Variants in C12orf42 observed in about 807,000 individuals in gnomAD.
C12orf42 encodes the protein chromosome 12 open reading frame 42.
A neutral mutation model predicts 21.6 loss-of-function variants in C12orf42; 25 were observed. The observed-to-expected ratio is 1.16, with a 90% CI of 0.84 to 1.62. C12orf42 has a LOEUF of 1.62. Ranked by LOEUF, C12orf42 falls within the 40% of genes most tolerant of loss-of-function variation. The pLI is 0.00. For missense variants in C12orf42, 483 were observed against 459.3 expected (o/e 1.05, Z -0.47); for synonymous variants, 174 against 175.0 (o/e 0.99, Z 0.05).
intron 4 of C12orf42, among the ~76,000 whole-genome samples, chr12:103,329,659 A>T (rs1268083659): frequency 6.6e-6 from 1 of 151,408 alleles, no homozygotes; most frequent in Non-Finnish European, 1.5e-5. Context: ...AAATGATGCC[A>T]CTGCTCTTTA....
At chr12:103,526,463 A>C in the C12orf42 span, among the ~76,000 whole-genome samples, 1 of 152,216 alleles carries the variant, frequency 6.6e-6, no homozygotes, top group Non-Finnish European at 1.5e-5. Context: ...AAGTTTCAGC[A>C]TATGTGTCGT....
At chr12:103,505,006 T>C in the C12orf42 span, 1 of 198,816 alleles carries the variant, frequency 5.0e-6, no homozygotes, top group East Asian at 1.5e-4. Flanking sequence ...ACCATGGGAA[T>C]GCTGTGTTCT....
the C12orf42 span, among the ~76,000 whole-genome samples, chr12:103,115,503 C>A: frequency 6.6e-6 from 1 of 152,188 alleles, no homozygotes; most frequent in Non-Finnish European, 1.5e-5. Flanking sequence ...CTATTTAGGG[C>A]ATATGGAGAA....
At chr12:103,186,982 A>G in the C12orf42 span, among the ~76,000 whole-genome samples, 3 of 152,196 alleles carry the variant, frequency 2.0e-5, no homozygotes, top group Admixed American at 6.5e-5. Flanking sequence ...CTTTGTTCCA[A>G]AAAAATTTAC....
chr12:103,442,887 T>TTCATTCTCAATA lies in C12orf42; in HGVS notation c.78+35461_78+35462insTATTGAGAATGA, dbSNP rs1283536833. On this transcript the variant is annotated intron_variant, in intron 2 of 5. Transcript: ENST00000548883. ...AACCTTGGAAATTATACATTCTCAA[T>TTCATTCTCAATA]CATTCATTCAACAAATATTTATTTT... is the stretch of plus-strand genomic sequence containing the variant. Among the ~76,000 whole-genome samples the TTCATTCTCAATA allele has an allele frequency of 3.7e-4, 57 of 152,298 alleles. 1 individual carries two copies. Among genetic ancestry groups the TTCATTCTCAATA allele is most frequent in the South Asian group, 2.3e-3 (11 of 4,826 alleles).
chr12:103,053,787 C>T, the C12orf42 span, among the ~76,000 whole-genome samples: 1 of 151,836 alleles, frequency 6.6e-6, no homozygotes, highest in East Asian at 1.9e-4. Context: ...AGATGTGAGA[C>T]TTAGATTGAT....
chr12:103,444,809 T>G (rs993493144), intron 2 of C12orf42, among the ~76,000 whole-genome samples: 2 of 152,106 alleles, frequency 1.3e-5, no homozygotes, highest in African/African-American at 4.8e-5. Flanking sequence ...ATTAATCCTT[T>G]TATCAATATC....
intron 2 of C12orf42, among the ~76,000 whole-genome samples, chr12:103,442,859 A>G (rs933393054): frequency 6.6e-6 from 1 of 152,184 alleles, no homozygotes; most frequent in Admixed American, 6.6e-5. Context: ...TTAAAAGGGA[A>G]ATAACCTTGG....
At chr12:103,348,209 A>G (rs2137394401) in intron 4 of C12orf42, among the ~76,000 whole-genome samples, 1 of 152,060 alleles carries the variant, frequency 6.6e-6, no homozygotes, top group East Asian at 1.9e-4. Context: ...TGACAGTTGT[A>G]CAGTCTATCC....
the C12orf42 span, among the ~76,000 whole-genome samples, chr12:103,514,467 A>G: frequency 6.6e-6 from 1 of 152,164 alleles, no homozygotes; most frequent in South Asian, 2.1e-4. Flanking sequence ...ACAAGTGTGC[A>G]GGGCAGGGCC....
chr12:103,219,434 T>A, the C12orf42 span, among the ~76,000 whole-genome samples: 2 of 152,150 alleles, frequency 1.3e-5, no homozygotes, highest in African/African-American at 4.8e-5. Flanking sequence ...CTAAAGAGCT[T>A]CTGCACAGCA....
chr12:103,354,450 A>T (rs1207110771), intron 4 of C12orf42, among the ~76,000 whole-genome samples: 4 of 152,146 alleles, frequency 2.6e-5, no homozygotes, highest in Non-Finnish European at 5.9e-5. Context: ...CCTCCAAGGT[A>T]ACATTCTGAG....
the C12orf42 span, among the ~76,000 whole-genome samples, chr12:103,084,869 G>A: frequency 6.6e-6 from 1 of 152,136 alleles, no homozygotes; most frequent in Non-Finnish European, 1.5e-5. Context: ...AGACATATAT[G>A]TGGTGCCCTG....
At chr12:103,158,682 C>G in the C12orf42 span, among the ~76,000 whole-genome samples, 1 of 152,168 alleles carries the variant, frequency 6.6e-6, no homozygotes. Flanking sequence ...AGTTTGAGAC[C>G]AGCCCGGCCA....
chr12:103,161,621 A>G, the C12orf42 span: 1 of 152,350 alleles, frequency 6.6e-6, no homozygotes, highest in Admixed American at 6.5e-5. Flanking sequence ...AAGGACAATA[A>G]TAAATGATGG....
At chr12:103,103,570 A>G in the C12orf42 span, among the ~76,000 whole-genome samples, 1 of 152,198 alleles carries the variant, frequency 6.6e-6, no homozygotes, top group Non-Finnish European at 1.5e-5. Flanking sequence ...AATTTTATTT[A>G]ATCATAGCCC....
intron 2 of C12orf42, among the ~76,000 whole-genome samples, chr12:103,456,451 T>C (rs924991897): frequency 6.6e-6 from 1 of 152,112 alleles, no homozygotes; most frequent in Non-Finnish European, 1.5e-5. Flanking sequence ...TTTCTGGAAG[T>C]AAAACTGGCT....
the C12orf42 span, among the ~76,000 whole-genome samples, chr12:103,100,480 C>T: frequency 3.3e-5 from 5 of 152,204 alleles, no homozygotes; most frequent in South Asian, 4.1e-4. Context: ...CGTGTGGCAC[C>T]GGAGCGGTCA....
chr12:103,506,028 G>T, the C12orf42 span: 1 of 209,696 alleles, frequency 4.8e-6, no homozygotes, highest in South Asian at 8.5e-5. Context: ...TCCTTCTGTG[G>T]CCATCTTGGT....
Sources: allele counts gnomAD v4.1 joint callset (sites outside exome capture counted in the v4.1 genomes callset), GRCh38; gene constraint gnomAD v4.1.1; transcripts MANE v1.5; gene names NCBI Gene and HGNC (gene_info 2026-07-23, HGNC 2026-07-21).